ARID2: variants seen among roughly 807,000 people sequenced by gnomAD.
ARID2 encodes the protein AT-rich interactive domain-containing protein 2.
A neutral mutation model predicts 184.6 loss-of-function variants in ARID2; 32 were observed. The observed-to-expected ratio is 0.17, with a 90% CI of 0.13 to 0.23. ARID2 has a LOEUF of 0.23. Ranked by LOEUF, ARID2 falls within the 10% of genes least tolerant of loss-of-function variation. ARID2 has a pLI of 1.00. For missense variants in ARID2, 1,696 were observed against 2,197.6 expected, an observed-to-expected ratio of 0.77 and a Z score of 4.56; for synonymous variants, 836 against 772.6, an observed-to-expected ratio of 1.08 and a Z score of -1.36.
chr12:45,808,761 A>ATGTG (rs533034285), intron 3 of ARID2, among the ~76,000 whole-genome samples: 9 of 141,046 alleles, frequency 6.4e-5, no homozygotes, highest in Non-Finnish European at 1.4e-4. Flanking sequence ...GTGTGTGTGT[A>ATGTG]TGTGTGTGTG....
At chr12:45,833,137 A>AC (rs1943152971) in intron 6 of ARID2, among the ~76,000 whole-genome samples, 2 of 152,058 alleles carry the variant, frequency 1.3e-5, no homozygotes, top group Admixed American at 6.6e-5. Context: ...AATCTTGTAT[A>AC]TTTTCTTTAT....
intron 16 of ARID2, among the ~76,000 whole-genome samples, chr12:45,884,705 G>C (rs927125539): frequency 6.6e-5 from 10 of 152,276 alleles, no homozygotes; most frequent in Non-Finnish European, 1.3e-4. Context: ...AGAACTGAGG[G>C]CAGTTGGTTT....
chr12:45,905,472 A>G lies in ARID2; in HGVS notation c.*394A>G, dbSNP rs1242856350. ...CATTAAATATTTTTATCTATATCCAAAAAGGAGCACATTTTTATATTTACA... is the reference window on the plus strand; with the variant it reads ...CATTAAATATTTTTATCTATATCCAGAAAGGAGCACATTTTTATATTTACA... On this transcript the variant is annotated 3_prime_UTR_variant, in exon 21 of 21. Transcript: ENST00000334344. 4.3e-6 allele frequency: 1 copy of G among 234,148 alleles called. No homozygotes were observed. Among genetic ancestry groups the G allele is most frequent in the Non-Finnish European group, 8.4e-6 (1 of 118,584 alleles). 14.5% of individuals were successfully genotyped at this position (234,148 alleles called of 1,614,324 possible). A position where few individuals can be genotyped will look rare whatever the true frequency, so the allele number is the denominator to read the frequency against.
At chr12:45,826,287 A>G (rs774781371) in intron 6 of ARID2, among the ~76,000 whole-genome samples, 3 of 152,170 alleles carry the variant, frequency 2.0e-5, no homozygotes, top group Non-Finnish European at 2.9e-5. Flanking sequence ...AGGAACCTAT[A>G]ATGTCTCTTC....
At chr12:45,806,260 C>G (rs1009336469) in intron 3 of ARID2, among the ~76,000 whole-genome samples, 2 of 151,592 alleles carry the variant, frequency 1.3e-5, no homozygotes, top group Non-Finnish European at 2.9e-5. Context: ...AGAATCTTCT[C>G]TATTTTTGAA....
At chr12:45,826,734 T>G (rs1269798574) in intron 6 of ARID2, among the ~76,000 whole-genome samples, 1 of 152,048 alleles carries the variant, frequency 6.6e-6, no homozygotes, top group Non-Finnish European at 1.5e-5. Context: ...TAGAAGTAAT[T>G]GATGCATGCT....
At chr12:45,813,470 A>C (rs958158812) in intron 4 of ARID2, among the ~76,000 whole-genome samples, 5 of 151,628 alleles carry the variant, frequency 3.3e-5, no homozygotes, top group Non-Finnish European at 5.9e-5. Flanking sequence ...AAAAAAAAAA[A>C]AAAACCACCA....
In ARID2 at chr12:45,905,092, T is replaced by G; in HGVS notation, c.*14T>G. 2 of 1,611,132 alleles carry G rather than the reference T, an allele frequency of 1.2e-6. No individual in the cohort carries two copies. Among genetic ancestry groups the G allele is most frequent in the Non-Finnish European group, 1.7e-6 (2 of 1,178,528 alleles). Reference sequence around the variant, plus strand: ...ATGCTGCAGTGAAAAATAATTCCACTTACACAGTGGGGGACTCAAAGTCAG... The same window carrying G: ...ATGCTGCAGTGAAAAATAATTCCACGTACACAGTGGGGGACTCAAAGTCAG... On this transcript the variant is annotated 3_prime_UTR_variant, in exon 21 of 21. Coordinates refer to ENST00000334344, the MANE Select transcript of ARID2 (RefSeq NM_152641.4).
intron 3 of ARID2, among the ~76,000 whole-genome samples, chr12:45,749,508 A>T (rs1941419837): frequency 6.6e-6 from 1 of 152,252 alleles, no homozygotes; most frequent in Non-Finnish European, 1.5e-5. Flanking sequence ...CAGCTGCATT[A>T]GCCCCTAACA....
intron 16 of ARID2, among the ~76,000 whole-genome samples, chr12:45,886,773 C>T (rs1220792324): frequency 6.6e-6 from 1 of 152,242 alleles, no homozygotes; most frequent in East Asian, 1.9e-4. Context: ...TCTGAAGCTA[C>T]AGCCCAAGCT....
At chr12:45,874,356 G>A (rs578111019) in intron 16 of ARID2, 7 of 167,816 alleles carry the variant, frequency 4.2e-5, no homozygotes, top group Non-Finnish European at 7.7e-5. Context: ...GATTGAGTCA[G>A]TCTTCTCAAA....
At position 45,851,155 on chromosome 12, in the gene ARID2, G is replaced by A; in HGVS notation, c.3032G>A (p.Arg1011Lys). ...PTVSQMLSVK[R>K]QQQQQHSPAP... ...GTCAGTCAAATGTTATCTGTGAAAA[G>A]GCAGCAACAGCAGCAACATTCACCA... The change falls in exon 15 of 21, where the codon AGG becomes AAG. Residue 1011 changes from arginine to lysine, a missense_variant. This residue lies in a region of ARID2 where 713 missense variants were observed against 824.4 expected (regional missense o/e 0.86). Transcript: ENST00000334344. 6 of 1,613,988 alleles carry A rather than the reference G, an allele frequency of 3.7e-6. No homozygotes were observed. The highest frequency in any genetic ancestry group is 5.1e-6 in the Non-Finnish European group (6 of 1,180,016).
intron 11 of ARID2, among the ~76,000 whole-genome samples, chr12:45,842,802 C>G (rs1306813971): frequency 6.6e-6 from 1 of 151,822 alleles, no homozygotes; most frequent in Non-Finnish European, 1.5e-5. Flanking sequence ...AAATGTATCT[C>G]TTAATAAGAT....
chr12:45,798,303 C>G (rs544533621), intron 3 of ARID2, among the ~76,000 whole-genome samples: 4 of 151,980 alleles, frequency 2.6e-5, no homozygotes, highest in Non-Finnish European at 5.9e-5. Context: ...ATAAATTTCT[C>G]GAAGTGGAAT....
chr12:45,785,632 A>G (rs1163615930), intron 3 of ARID2, among the ~76,000 whole-genome samples: 1 of 152,192 alleles, frequency 6.6e-6, no homozygotes, highest in Non-Finnish European at 1.5e-5. Flanking sequence ...TGCCAACATG[A>G]CACTTAAAGG....
At position 45,849,753 on chromosome 12, in the gene ARID2, T is replaced by C. The variant is rs1211523321; in HGVS notation, c.1889T>C (p.Val630Ala). 6.2e-7 allele frequency: 1 copy of C among 1,613,042 alleles called. No homozygotes were observed. Among genetic ancestry groups the C allele is most frequent in the South Asian group, 1.1e-5 (1 of 90,806 alleles). The stretch of plus-strand genomic sequence containing the variant: ...GTTCGTGTTGATTCTGTTCCTGATG[T>C]ATCTCCTGCTCCTTCACCTGCAGGT... ...SVVRVDSVPD[V>A]SPAPSPAGIP... is the part of the protein sequence containing the mutation. Residue 630 changes from valine (V) to alanine (A), a missense_variant, in exon 14 of 21, where the codon GTA becomes GCA. Physicochemically the swap from Val to Ala is moderately conservative, Grantham distance 64. This residue lies in a region of ARID2 where 713 missense variants were observed against 824.4 expected (regional missense o/e 0.86). Coordinates refer to ENST00000334344, the MANE Select transcript of ARID2 (RefSeq NM_152641.4).
intron 3 of ARID2, among the ~76,000 whole-genome samples, chr12:45,771,282 C>T (rs934591861): frequency 2.7e-5 from 4 of 148,864 alleles, no homozygotes; most frequent in Admixed American, 6.7e-5. Flanking sequence ...CGCTTGAGCC[C>T]GGGAGGCGGA....
chr12:45,831,450 T>G (rs1943120895), intron 6 of ARID2, among the ~76,000 whole-genome samples: 1 of 152,156 alleles, frequency 6.6e-6, no homozygotes, highest in South Asian at 2.1e-4. Flanking sequence ...TTGAAATAGG[T>G]ATACAGTGTT....
intron 3 of ARID2, among the ~76,000 whole-genome samples, chr12:45,800,769 A>T (rs1026349058): frequency 6.6e-6 from 1 of 152,144 alleles, no homozygotes; most frequent in Admixed American, 6.5e-5. Context: ...AAAAAAAATG[A>T]TAAGGACACA....
Sources: allele counts gnomAD v4.1 joint callset (sites outside exome capture counted in the v4.1 genomes callset), GRCh38; gene constraint gnomAD v4.1.1; regional missense constraint gnomAD v4.1.1; transcripts MANE v1.5; gene names NCBI Gene and HGNC (gene_info 2026-07-23, HGNC 2026-07-21).